SPTLC3: variants seen among roughly 807,000 people sequenced by gnomAD.
The protein encoded by SPTLC3 is serine palmitoyltransferase 3.
In SPTLC3, 36 loss-of-function variants were observed where a neutral mutation model predicts 59.3. The observed-to-expected ratio is 0.61, with a 90% CI of 0.47 to 0.80. The LOEUF is 0.80. SPTLC3 is among the 30% of genes least tolerant of loss of function. SPTLC3 has a pLI of 0.00. For missense variants in SPTLC3, 625 were observed against 685.1 expected (o/e 0.91, Z 0.98); for synonymous variants, 257 against 240.8 (o/e 1.07, Z -0.62).
chr20:13,073,936 G>A (rs912228847), intron 3 of SPTLC3: 9 of 583,014 alleles, frequency 1.5e-5, no homozygotes, highest in Non-Finnish European at 2.4e-5. Flanking sequence ...GATCATCCAG[G>A]GAGGTGTGGC....
At chr20:13,069,947 T>C (rs571446409) in intron 2 of SPTLC3, among the ~76,000 whole-genome samples, 8 of 152,284 alleles carry the variant, frequency 5.3e-5, no homozygotes, top group African/African-American at 1.7e-4. Context: ...TTATAGATTA[T>C]TATTTCAAAT....
chr20:13,065,828 T>C (rs945958419), intron 2 of SPTLC3, among the ~76,000 whole-genome samples: 1 of 92,934 alleles, frequency 1.1e-5, no homozygotes, highest in Non-Finnish European at 2.5e-5. Context: ...AATATGATGC[T>C]TTGATATATA....
chr20:13,018,599 T>C lies in SPTLC3; in HGVS notation c.117+9215T>C, dbSNP rs144494024. On this transcript the variant is annotated intron_variant, in intron 1 of 11. Transcript: ENST00000399002. ...GAAATAGTTGACTCAATAAAGTGTG[T>C]GTGCTCAGGTGTTTCATTGGCTTAA... Among the ~76,000 whole-genome samples, 6 of 152,354 alleles carry C rather than the reference T, an allele frequency of 3.9e-5. No homozygotes were observed. The East Asian group carries it at 1.2e-3, about 29-fold the overall frequency.
chr20:13,166,829 G>C lies in SPTLC3; in HGVS notation c.*1962G>C, dbSNP rs762666398. The C allele has an allele frequency of 5.3e-5, 8 of 152,186 alleles. No homozygotes were observed. The highest frequency in any genetic ancestry group is 1.2e-4 in the Non-Finnish European group (8 of 68,044). The allele number at this position is 152,186 out of a possible 1,614,324, so 9.4% of individuals were successfully genotyped here. On this transcript the variant is annotated 3_prime_UTR_variant, in exon 12 of 12. Coordinates refer to ENST00000399002, the MANE Select transcript of SPTLC3 (RefSeq NM_018327.4). Reference sequence around the variant, plus strand: ...CTTCAAGTTTTAAGCCCCTAGACATGTGTCTTCATGAGCAGGAATGTCCAC... The same window carrying C: ...CTTCAAGTTTTAAGCCCCTAGACATCTGTCTTCATGAGCAGGAATGTCCAC...
At chr20:13,034,173 G>A (rs771254647) in intron 1 of SPTLC3, among the ~76,000 whole-genome samples, 1 of 149,270 alleles carries the variant, frequency 6.7e-6, no homozygotes, top group African/African-American at 2.5e-5. Flanking sequence ...TCATGACATA[G>A]GTAGATGTCA....
intron 2 of SPTLC3, among the ~76,000 whole-genome samples, chr20:13,054,674 A>T (rs1987644613): frequency 6.6e-6 from 1 of 152,242 alleles, no homozygotes. Context: ...AGCAAGATCC[A>T]GTTGGAGGGA....
intron 6 of SPTLC3, among the ~76,000 whole-genome samples, chr20:13,108,247 T>C (rs911061401): frequency 1.3e-5 from 2 of 152,194 alleles, no homozygotes; most frequent in African/African-American, 4.8e-5. Context: ...TAAATGTACT[T>C]GATAATTAAA....
chr20:13,132,722 TCTTTCC>T (rs1020979857), intron 9 of SPTLC3: 3 of 152,316 alleles, frequency 2.0e-5, no homozygotes, highest in African/African-American at 7.2e-5. Context: ...TGTGCTTGAT[TCTTTCC>T]CTTTCCATCT....
chr20:13,161,781 T>C (rs1311142953), intron 11 of SPTLC3, among the ~76,000 whole-genome samples: 1 of 151,776 alleles, frequency 6.6e-6, no homozygotes, highest in African/African-American at 2.4e-5. Context: ...AATAAAAGAG[T>C]AAAGAGGATA....
intron 3 of SPTLC3, chr20:13,074,115 A>G (rs1027561108): frequency 1.4e-6 from 1 of 692,654 alleles, no homozygotes; most frequent in Non-Finnish European, 2.7e-6. Context: ...TCCAGGGACT[A>G]AAGTGCCCGG....
rs1600272167 is a variant in SPTLC3 at position 13,093,547 on chromosome 20, G to C, written c.796G>C (p.Gly266Arg). Residue 266 changes from glycine (G) to arginine (R), a missense_variant, in exon 6 of 12, where the codon GGT becomes CGT. Gly to Arg is a moderately radical substitution (Grantham distance 125, BLOSUM62 -2). Coordinates refer to ENST00000399002, the MANE Select transcript of SPTLC3 (RefSeq NM_018327.4). Reference protein sequence around the residue: ...TSLVLGARLSGATIRIFKHNN... With the variant: ...TSLVLGARLSRATIRIFKHNN... ...GCTTGTGCTTGGGGCCCGACTCTCA[G>C]GTGCAACCATAAGAATCTTCAAACA... 1 of 1,613,472 alleles carries C rather than the reference G, an allele frequency of 6.2e-7. No individual in the cohort carries two copies. Among genetic ancestry groups the C allele is most frequent in the African/African-American group, 1.3e-5 (1 of 74,972 alleles).
In SPTLC3 at chr20:13,074,542, G is replaced by C. The variant is rs375657125; in HGVS notation, c.607+45G>C. 1.7e-5 allele frequency: 27 copies of C among 1,568,466 alleles called. No homozygotes were observed. The African/African-American group carries it at 3.5e-4, about 20-fold the overall frequency. Reference sequence around the variant, plus strand: ...TGAAACTTTTTGCTGTTAGGTCTCAGATTCCTTGTGTCTGTCTCTCAAATC... The same window carrying C: ...TGAAACTTTTTGCTGTTAGGTCTCACATTCCTTGTGTCTGTCTCTCAAATC... On this transcript the variant is annotated intron_variant, in intron 4 of 11. Transcript: ENST00000399002.
intron 6 of SPTLC3, among the ~76,000 whole-genome samples, chr20:13,095,685 T>A (rs972987962): frequency 6.6e-6 from 1 of 152,122 alleles, no homozygotes. Context: ...TTATAATGTA[T>A]ACTGAGAGAT....
intron 10 of SPTLC3, among the ~76,000 whole-genome samples, chr20:13,158,591 G>A (rs79364479): frequency 0.014 from 2,181 of 152,214 alleles, 26 homozygotes; most frequent in South Asian, 0.028. Context: ...GTGCAGTTCC[G>A]TGGGCAGCCT....
intron 1 of SPTLC3, among the ~76,000 whole-genome samples, chr20:13,031,576 T>C (rs1272153667): frequency 2.6e-5 from 4 of 152,186 alleles, no homozygotes; most frequent in Non-Finnish European, 4.4e-5. Flanking sequence ...GACTTCTTGC[T>C]CTCTAGTCTT....
intron 2 of SPTLC3, among the ~76,000 whole-genome samples, chr20:13,057,896 C>T (rs1311687634): frequency 1.3e-5 from 2 of 152,176 alleles, no homozygotes; most frequent in Non-Finnish European, 2.9e-5. Flanking sequence ...CAAATATAAT[C>T]AATTAATGTC....
chr20:13,129,472 G>T (rs1475487191), intron 9 of SPTLC3, among the ~76,000 whole-genome samples: 1 of 152,174 alleles, frequency 6.6e-6, no homozygotes, highest in Non-Finnish European at 1.5e-5. Context: ...TCAATTATTT[G>T]AGATTTAAGC....
intron 1 of SPTLC3, among the ~76,000 whole-genome samples, chr20:13,015,894 C>A (rs900278622): frequency 6.6e-6 from 1 of 151,542 alleles, no homozygotes; most frequent in African/African-American, 2.4e-5. Context: ...ATATAATACC[C>A]AGGAGCCATA....
In SPTLC3 at chr20:13,039,714, T is replaced by C. The variant is rs551815336; in HGVS notation, c.118-9231T>C. On this transcript the variant is annotated intron_variant, in intron 1 of 11. Transcript: ENST00000399002. Reference sequence around the variant, plus strand: ...ATTCCTAGTTTAGTGCTTTATTCTATATTTTAAGTGAATATTTTCTAGTAT... The same window carrying C: ...ATTCCTAGTTTAGTGCTTTATTCTACATTTTAAGTGAATATTTTCTAGTAT... Among the ~76,000 whole-genome samples, 4 of 152,244 alleles carry C rather than the reference T, an allele frequency of 2.6e-5. No individual in the cohort carries two copies. In the South Asian group the frequency reaches 8.3e-4, roughly 32 times the overall value.
Sources: allele counts gnomAD v4.1 joint callset (sites outside exome capture counted in the v4.1 genomes callset), GRCh38; gene constraint gnomAD v4.1.1; transcripts MANE v1.5; gene names NCBI Gene and HGNC (gene_info 2026-07-23, HGNC 2026-07-21).